Variants in DMKN observed in about 807,000 individuals in gnomAD.
DMKN encodes the protein dermokine.
Under a neutral mutation model 67.6 loss-of-function variants are expected in DMKN, and 58 were observed. That is an observed-to-expected ratio of 0.86 (90% CI 0.69 to 1.07). DMKN has a LOEUF of 1.07. Ranked by LOEUF, DMKN falls within the 50% of genes least tolerant of loss-of-function variation. The pLI, the probability that DMKN is intolerant of heterozygous loss-of-function variation, is 0.00. For synonymous variants in DMKN, 240 were observed against 232.3 expected, an observed-to-expected ratio of 1.03 and a Z score of -0.30; for missense variants, 596 against 601.5, an observed-to-expected ratio of 0.99 and a Z score of 0.10.
At chr19:35,501,945 T>C (rs2145912674) in intron 11 of DMKN, 191 bp downstream of exon 11, 1 of 1,555,996 alleles carries the variant, frequency 6.4e-7, no homozygotes, top group Non-Finnish European at 8.7e-7. Context: ...GCTTTTATGC[T>C]AGGGAGGTCC....
intron 6 of DMKN, 28 bp from the exon 7 acceptor site, chr19:35,509,989 C>T (rs2070416603): frequency 1.2e-6 from 2 of 1,613,676 alleles, no homozygotes; most frequent in African/African-American, 1.3e-5. Context: ...GGGAGACTTT[C>T]CCTCAGTCCC....
At chr19:35,504,914 C>G (rs1033312943) in intron 9 of DMKN, among the ~76,000 whole-genome samples, 3 of 151,738 alleles carry the variant, frequency 2.0e-5, no homozygotes, top group Non-Finnish European at 4.4e-5. Flanking sequence ...CCTAACCCCA[C>G]CCCATGGAAA....
In DMKN at chr19:35,511,484, C is replaced by T. The variant is rs117522133; in HGVS notation, c.845G>A (p.Ser282Asn). The change falls in exon 5 of 16, where the codon AGT (serine) becomes AAT (asparagine). Residue 282 changes from serine to asparagine, a missense_variant. Ser to Asn is a conservative substitution (Grantham distance 46). Transcript: ENST00000339686. ...SSSGSSSGGS[S>N]GGSSGGSSGN... ...ACTGCTGCCACCACTGCTGCCGCCA[C>T]TGCTGCCGCCACTGCTGCTGCCACT... 1.9e-5 allele frequency: 21 copies of T among 1,099,130 alleles called. No homozygotes were observed. The highest frequency in any genetic ancestry group is 3.3e-4 in the Middle Eastern group (1 of 2,998). 68.1% of individuals were successfully genotyped at this position (1,099,130 alleles called of 1,614,324 possible). A position where few individuals can be genotyped will look rare whatever the true frequency, so the allele number is the denominator to read the frequency against.
At position 35,512,623 on chromosome 19, in the gene DMKN, A is replaced by G. The variant is rs374599903; in HGVS notation, c.594T>C (p.Asn198=). 8 of 1,614,066 alleles carry G rather than the reference A, an allele frequency of 5.0e-6. No individual in the cohort carries two copies. The highest frequency in any genetic ancestry group is 6.8e-6 in the Non-Finnish European group (8 of 1,179,986). The change falls in exon 2 of 16, where the codon AAT becomes AAC. Residue 198 remains asparagine (N), a synonymous_variant. Coordinates refer to ENST00000339686, the MANE Select transcript of DMKN (RefSeq NM_033317.5). ...TGGTCCCAAAGTTTGGTGGCCCTCC[A>G]TTGCCTCCTTGACCCCAGGGAGCTC... The part of the protein sequence containing the change: ...PQGAPWGQGG[N]GGPPNFGTNT...
chr19:35,497,931 T>C (rs1390773262), intron 15 of DMKN: 1 of 149,256 alleles, frequency 6.7e-6, no homozygotes, highest in South Asian at 2.1e-4. Flanking sequence ...CTTGCTTGCT[T>C]TCTTTCCCTC....
chr19:35,497,363 G>A lies in DMKN; in HGVS notation c.*176C>T, dbSNP rs1229454024. 1 of 152,218 alleles carries A rather than the reference G, an allele frequency of 6.6e-6. No individual in the cohort carries two copies. Among genetic ancestry groups the A allele is most frequent in the Non-Finnish European group, 1.5e-5 (1 of 68,052 alleles). The allele number at this position is 152,218 out of a possible 1,614,324, so 9.4% of individuals were successfully genotyped here. ...GCTGGTGTATGTGACGAGGCTGGTG[G>A]CCACTGAAGCACCACAGTGCAGTGG... is the stretch of plus-strand genomic sequence containing the variant. On this transcript the variant is annotated 3_prime_UTR_variant, in exon 16 of 16. Transcript: ENST00000339686.
At position 35,503,469 on chromosome 19, in the gene DMKN, T is replaced by A. The variant is rs763530173; in HGVS notation, c.1135-583A>T. The stretch of plus-strand genomic sequence containing the variant: ...GGTCCTGGGCAAAGAAACAGGTTTT[T>A]TTTTGTTTTTTTTTTTTTTTTTTTG... On this transcript the variant is annotated intron_variant, in intron 9 of 15. Transcript: ENST00000339686. The A allele has an allele frequency of 2.0e-3, 2,919 of 1,491,312 alleles. 34 individuals are homozygous for A. The African/African-American group carries it at 0.021, about 11-fold the overall frequency. The allele number at this position is 1,491,312 out of a possible 1,614,324, so 92.4% of individuals were successfully genotyped here.
In DMKN at chr19:35,503,030, A is replaced by G. The variant is rs79626393; in HGVS notation, c.1135-144T>C. The G allele has an allele frequency of 1.2e-3, 1,210 of 992,458 alleles. 7 individuals carry two copies. Among genetic ancestry groups the G allele is most frequent in the Middle Eastern group, 0.011 (45 of 4,210 alleles). The allele number at this position is 992,458 out of a possible 1,614,324, so 61.5% of individuals were successfully genotyped here. A position where few individuals can be genotyped will look rare whatever the true frequency, so the allele number is the denominator to read the frequency against. On this transcript the variant is annotated intron_variant, in intron 9 of 15. Transcript: ENST00000339686. Reference sequence around the variant, plus strand: ...GGAGGAGCTGAGAGTCTTTAGGGACACCAGGAAACCATTTTGGGAAACACA... The same window carrying G: ...GGAGGAGCTGAGAGTCTTTAGGGACGCCAGGAAACCATTTTGGGAAACACA...
chr19:35,499,826 G>A, intron 13 of DMKN, 132 bp downstream of exon 13: 1 of 878,028 alleles, frequency 1.1e-6, no homozygotes, highest in Non-Finnish European at 1.8e-6. Flanking sequence ...AAAGGGGTGG[G>A]GAGGCCTGGA....
At chr19:35,505,537 C>T (rs955040325) in intron 9 of DMKN, among the ~76,000 whole-genome samples, 181 bp downstream of exon 9, 2 of 152,190 alleles carry the variant, frequency 1.3e-5, no homozygotes, top group Non-Finnish European at 2.9e-5. Context: ...GCTCCAGATT[C>T]TCCCCCTCTT....
chr19:35,513,220 C>G lies in DMKN; in HGVS notation c.256G>C (p.Val86Leu). 6.2e-7 allele frequency: 1 copy of G among 1,614,262 alleles called. No individual in the cohort carries two copies. The highest frequency in any genetic ancestry group is 8.5e-7 in the Non-Finnish European group (1 of 1,180,044). Residue 86 changes from valine (V) to leucine (L), a missense_variant, in exon 1 of 16, where the codon GTT becomes CTT. Coordinates refer to ENST00000339686, the MANE Select transcript of DMKN (RefSeq NM_033317.5). Reference protein sequence around the residue: ...REAVGTGVRQVPGFGVADALG... With the variant: ...REAVGTGVRQLPGFGVADALG... ...GCATCTGCTACGCCAAAGCCTGGAACCTGCCTGACTCCAGTGCCAACTGCT... is the reference window on the plus strand; with the variant it reads ...GCATCTGCTACGCCAAAGCCTGGAAGCTGCCTGACTCCAGTGCCAACTGCT...
At position 35,502,692 on chromosome 19, in the gene DMKN, G is replaced by A. The variant is rs113170031; in HGVS notation, c.1191+138C>T. ...TGTACTTCAGCCTGGGTGATAGAGC[G>A]AGACTCTGTCTCAAAAAAAAAAAGG... On this transcript the variant is annotated intron_variant, in intron 10 of 15. Coordinates refer to ENST00000339686, the MANE Select transcript of DMKN (RefSeq NM_033317.5). 737 of 848,978 alleles carry A rather than the reference G, an allele frequency of 8.7e-4. 2 individuals are homozygous for A. Among genetic ancestry groups the A allele is most frequent in the African/African-American group, 5.5e-3 (325 of 59,268 alleles). 52.6% of individuals were successfully genotyped at this position (848,978 alleles called of 1,614,324 possible).
At chr19:35,503,737 A>G (rs1292639125) in intron 9 of DMKN, among the ~76,000 whole-genome samples, 1 of 152,064 alleles carries the variant, frequency 6.6e-6, no homozygotes, top group African/African-American at 2.4e-5. Context: ...CGGCCTCCCA[A>G]AGTGCTAGGA....
intron 7 of DMKN, chr19:35,508,173 A>C: frequency 6.4e-7 from 1 of 1,551,926 alleles, no homozygotes. Context: ...CTACCGGCAC[A>C]GTCTCTGACC....
At position 35,512,330 on chromosome 19, in the gene DMKN, C is replaced by G. The variant is rs555728867; in HGVS notation, c.684+91G>C. ...TTCCTCTCACCCCAATCCCTCCACT[C>G]CCCCATCTTGCTTTCCTCTTTGTCT... On this transcript the variant is annotated intron_variant, in intron 3 of 15. Transcript: ENST00000339686. 595 of 1,521,394 alleles carry G rather than the reference C, an allele frequency of 3.9e-4. 1 individual carries two copies. The highest frequency in any genetic ancestry group is 4.8e-4 in the Non-Finnish European group (534 of 1,122,344). The allele number at this position is 1,521,394 out of a possible 1,614,324, so 94.2% of individuals were successfully genotyped here. A position where few individuals can be genotyped will look rare whatever the true frequency, so the allele number is the denominator to read the frequency against.
intron 7 of DMKN, among the ~76,000 whole-genome samples, chr19:35,509,014 T>C (rs2070170895): frequency 6.6e-6 from 1 of 151,958 alleles, no homozygotes; most frequent in Admixed American, 6.6e-5. Context: ...ATCAGGAGTT[T>C]GAGACCAGCC....
chr19:35,501,254 A>G (rs2068315488), intron 11 of DMKN, among the ~76,000 whole-genome samples: 1 of 152,166 alleles, frequency 6.6e-6, no homozygotes, highest in African/African-American at 2.4e-5. Context: ...TGACTCCAGC[A>G]TTAATTCTGC....
intron 10 of DMKN, among the ~76,000 whole-genome samples, chr19:35,502,527 T>C (rs916641784): frequency 7.9e-5 from 12 of 151,640 alleles, no homozygotes; most frequent in Admixed American, 6.6e-5. Context: ...GTATAAACCC[T>C]GTCTCTACTA....
intron 1 of DMKN, 46 bp downstream of exon 1, chr19:35,513,004 C>T (rs377268234): frequency 8.7e-6 from 14 of 1,603,502 alleles, no homozygotes; most frequent in Non-Finnish European, 1.2e-5. Flanking sequence ...CTCAGCCCAG[C>T]AGCCCACAGC....
Sources: allele counts gnomAD v4.1 joint callset (sites outside exome capture counted in the v4.1 genomes callset), GRCh38; gene constraint gnomAD v4.1.1; transcripts MANE v1.5; gene names NCBI Gene and HGNC (gene_info 2026-07-23, HGNC 2026-07-21).